The following DIAPH2 variants were observed in gnomAD, a reference collection of about 807,000 sequenced individuals.
DIAPH2 encodes the protein diaphanous related formin 2, also known as protein diaphanous homolog 2.
A neutral mutation model predicts 92.7 loss-of-function variants in DIAPH2; 35 were observed. The observed-to-expected ratio is 0.38, with a 90% CI of 0.29 to 0.50. DIAPH2 has a LOEUF of 0.50. Among genes scored for constraint, DIAPH2 ranks in the 20% least tolerant of loss-of-function variants. The probability of loss-of-function intolerance (pLI) is 0.94; values close to 1 mark genes in which losing one functional copy is unlikely to be tolerated. For synonymous variants in DIAPH2, 301 were observed against 280.4 expected (o/e 1.07, Z -0.73); for missense variants, 701 against 819.5 (o/e 0.86, Z 1.77).
At chrX:97,450,683 G>T (rs2070351477) in intron 26 of DIAPH2, among the ~76,000 whole-genome samples, 1 of 110,911 alleles carries the variant, frequency 9.0e-6, no homozygotes, top group Non-Finnish European at 1.9e-5. Context: ...CATTTCTGAG[G>T]TGAATCTGGG....
chrX:97,206,328 T>TA (rs1360201771), intron 22 of DIAPH2, among the ~76,000 whole-genome samples: 6 of 111,100 alleles, frequency 5.4e-5, no homozygotes, highest in Non-Finnish European at 7.6e-5. Flanking sequence ...AAAACAAAAA[T>TA]AAAAAAAATT....
intron 26 of DIAPH2, among the ~76,000 whole-genome samples, chrX:97,591,551 G>A (rs1306072429): frequency 1.8e-5 from 2 of 111,686 alleles, no homozygotes; most frequent in African/African-American, 6.5e-5. Context: ...GCTAATGATT[G>A]GATGATTATT....
chrX:97,496,449 A>G (rs949399131), intron 26 of DIAPH2, among the ~76,000 whole-genome samples: 5 of 109,595 alleles, frequency 4.6e-5, no homozygotes, highest in African/African-American at 1.7e-4. Flanking sequence ...TGCTGGGATT[A>G]CAGGCGTGAG....
At chrX:97,358,518 A>G (rs2069290657) in intron 24 of DIAPH2, among the ~76,000 whole-genome samples, 1 of 111,985 alleles carries the variant, frequency 8.9e-6, no homozygotes, top group Non-Finnish European at 1.9e-5. Flanking sequence ...ATAAAAAATC[A>G]GTGGAAAACA....
chrX:97,400,654 T>C (rs2069747195), intron 25 of DIAPH2, among the ~76,000 whole-genome samples: 1 of 103,451 alleles, frequency 9.7e-6, no homozygotes, highest in South Asian at 4.8e-4. Context: ...TGGAACTTTG[T>C]ACTCTTTAAC....
intron 26 of DIAPH2, among the ~76,000 whole-genome samples, chrX:97,574,711 G>A (rs2071390426): frequency 8.9e-6 from 1 of 112,178 alleles, no homozygotes. Flanking sequence ...AGGTATGAGA[G>A]GCTGGAAAGA....
At chrX:97,047,542 C>CTTTTTTTTTTTTTTTTTTTT (rs5903064) in intron 17 of DIAPH2, among the ~76,000 whole-genome samples, 5 of 30,109 alleles carry the variant, frequency 1.7e-4, no homozygotes, top group African/African-American at 6.3e-4. Context: ...ATAAAATAGG[C>CTTTTTTTTTTTTTTTTTTTT]TTTTTTTTTT....
At chrX:97,081,436 T>C (rs985919627) in intron 19 of DIAPH2, among the ~76,000 whole-genome samples, 1 of 112,511 alleles carries the variant, frequency 8.9e-6, no homozygotes, top group East Asian at 2.8e-4. Flanking sequence ...CCAGCTGTGT[T>C]GTTGTTCACA....
chrX:96,899,865 T>C (rs1291963795), intron 5 of DIAPH2, among the ~76,000 whole-genome samples: 1 of 111,211 alleles, frequency 9.0e-6, no homozygotes, highest in African/African-American at 3.3e-5. Flanking sequence ...GCTGTGGGTT[T>C]GTCATAGATA....
chrX:96,771,048 T>C (rs966627245), intron 4 of DIAPH2, among the ~76,000 whole-genome samples: 15 of 111,717 alleles, frequency 1.3e-4, no homozygotes, highest in Admixed American at 8.6e-4. Flanking sequence ...TTCCCGTGCA[T>C]TGTCATAAAT....
intron 22 of DIAPH2, among the ~76,000 whole-genome samples, chrX:97,205,302 A>G (rs2067787268): frequency 1.8e-5 from 2 of 112,219 alleles, no homozygotes; most frequent in Non-Finnish European, 3.8e-5. Context: ...AAGCGATGGC[A>G]ACAAAAGCCA....
At chrX:97,056,672 C>T (rs1475031803) in intron 17 of DIAPH2, among the ~76,000 whole-genome samples, 1 of 111,805 alleles carries the variant, frequency 8.9e-6, no homozygotes, top group Non-Finnish European at 1.9e-5. Flanking sequence ...TTTGACAGAA[C>T]CCCATTTCTT....
At chrX:97,555,520 A>G (rs981202943) in intron 26 of DIAPH2, 35 of 568,318 alleles carry the variant, frequency 6.2e-5, no homozygotes, top group Middle Eastern at 1.1e-3. Flanking sequence ...AACATGATGG[A>G]CTGTAGTTGT....
chrX:97,229,889 T>C (rs1397875122), intron 22 of DIAPH2, among the ~76,000 whole-genome samples: 3 of 105,373 alleles, frequency 2.8e-5, no homozygotes, highest in African/African-American at 3.4e-5. Flanking sequence ...TGTAATATTG[T>C]TATTATATAT....
chrX:97,006,451 TG>T (rs1450080585), intron 17 of DIAPH2, among the ~76,000 whole-genome samples: 1 of 112,406 alleles, frequency 8.9e-6, no homozygotes, highest in Non-Finnish European at 1.9e-5. Flanking sequence ...TTCACAAATC[TG>T]GGTGCTCCAG....
At chrX:96,984,133 G>A (rs189169643) in intron 17 of DIAPH2, among the ~76,000 whole-genome samples, 310 of 111,825 alleles carry the variant, frequency 2.8e-3, no homozygotes, top group African/African-American at 9.5e-3. Context: ...CAAATGTACA[G>A]AACTTTGAAG....
chrX:96,960,841 A>G (rs922429986), intron 16 of DIAPH2, among the ~76,000 whole-genome samples: 1 of 112,216 alleles, frequency 8.9e-6, no homozygotes, highest in African/African-American at 3.2e-5. Flanking sequence ...CTTTTTCTAC[A>G]TCTGTTGAGA....
Position 97,602,139 on chromosome X carries a change from G to A in DIAPH2, c.*2822G>A, listed in dbSNP as rs772235880. ...AATTCATGGTTTTGGGGATTAGGATGTGGCTATGTCTTTTAGGAAGCCACT... is the reference window on the plus strand; with the variant it reads ...AATTCATGGTTTTGGGGATTAGGATATGGCTATGTCTTTTAGGAAGCCACT... On this transcript the variant is annotated 3_prime_UTR_variant, in exon 27 of 27. Coordinates refer to ENST00000324765, the MANE Select transcript of DIAPH2 (RefSeq NM_006729.5). The A allele has an allele frequency of 8.9e-6, 1 of 112,310 alleles. No homozygotes were observed. Among genetic ancestry groups the A allele is most frequent in the East Asian group, 2.8e-4 (1 of 3,564 alleles). 9.3% of individuals were successfully genotyped at this position (112,310 alleles called of 1,213,427 possible).
intron 23 of DIAPH2, among the ~76,000 whole-genome samples, chrX:97,254,492 C>CAAAAAA (rs1172020847): frequency 3.4e-5 from 1 of 29,057 alleles, no homozygotes; most frequent in African/African-American, 1.1e-4. Flanking sequence ...AACTCTGTCT[C>CAAAAAA]AAAAAAAAAA....
Sources: gnomAD v4.1 joint callset for allele counts (sites outside exome capture counted in the v4.1 genomes callset) on GRCh38, gnomAD v4.1.1 for gene constraint, MANE v1.5 for transcripts, NCBI Gene and HGNC (gene_info 2026-07-23, HGNC 2026-07-21) for gene names.